The following CLNK variants were observed in gnomAD, a reference collection of about 807,000 sequenced individuals.
CLNK encodes cytokine-dependent hematopoietic cell linker.
A neutral mutation model predicts 68.6 loss-of-function variants in CLNK; 74 were observed. The ratio of observed to expected loss-of-function variants is 1.08; its 90% CI spans 0.89 to 1.31. The LOEUF is 1.31. Ranked by LOEUF, CLNK falls within the 50% of genes most tolerant of loss-of-function variation. The pLI, the probability that CLNK is intolerant of heterozygous loss-of-function variation, is 0.00. For synonymous variants in CLNK, 198 were observed against 172.2 expected, an observed-to-expected ratio of 1.15 and a Z score of -1.17; for missense variants, 553 against 515.3, an observed-to-expected ratio of 1.07 and a Z score of -0.71.
the CLNK span, among the ~76,000 whole-genome samples, chr4:10,701,847 TAAG>T: frequency 6.6e-6 from 1 of 152,134 alleles, no homozygotes; most frequent in African/African-American, 2.4e-5. Context: ...TTCATACTCT[TAAG>T]AGGAATCCCA....
At chr4:10,701,132 G>A in the CLNK span, among the ~76,000 whole-genome samples, 2 of 152,088 alleles carry the variant, frequency 1.3e-5, no homozygotes. Flanking sequence ...AACCTTCCTA[G>A]CCATGAATGA....
chr4:10,580,083 A>G (rs1459896769), intron 4 of CLNK, among the ~76,000 whole-genome samples: 1 of 151,418 alleles, frequency 6.6e-6, no homozygotes, highest in South Asian at 2.1e-4. Flanking sequence ...ACTGCTTAAA[A>G]CCACCCCACA....
At chr4:10,633,615 C>G (rs1286997451) in intron 2 of CLNK, among the ~76,000 whole-genome samples, 1 of 152,196 alleles carries the variant, frequency 6.6e-6, no homozygotes. Context: ...TCGTAGGTGT[C>G]TATCTGCAAG....
intron 2 of CLNK, among the ~76,000 whole-genome samples, chr4:10,621,272 A>G (rs1314534240): frequency 1.3e-5 from 2 of 152,158 alleles, no homozygotes; most frequent in Admixed American, 6.5e-5. Flanking sequence ...TGGTAACAGG[A>G]CACCTCAGAC....
chr4:10,574,614 C>T (rs913044085), intron 4 of CLNK, among the ~76,000 whole-genome samples: 1 of 152,134 alleles, frequency 6.6e-6, no homozygotes, highest in Non-Finnish European at 1.5e-5. Flanking sequence ...CAGACCCTCA[C>T]GCCACTCCCT....
chr4:10,496,295 T>C (rs374518222), intron 18 of CLNK, among the ~76,000 whole-genome samples: 15 of 152,354 alleles, frequency 9.8e-5, no homozygotes, highest in African/African-American at 2.4e-4. Flanking sequence ...CTTTCTTTAA[T>C]TGAACCGTGG....
rs112783824 is a variant in CLNK at position 10,542,481 on chromosome 4, C to T, written c.446-201G>A. Reference sequence around the variant, plus strand: ...GTCTTATTAAATCCTCACCCTTGTTCGGTTAATGAAGAAACTGACACACGG... The same window carrying T: ...GTCTTATTAAATCCTCACCCTTGTTTGGTTAATGAAGAAACTGACACACGG... On this transcript the variant is annotated intron_variant, in intron 8 of 18. Transcript: ENST00000226951. 7.5e-3 allele frequency among the ~76,000 whole-genome samples: 1,145 copies of T among 152,124 alleles called. 4 individuals carry two copies. Among genetic ancestry groups the T allele is most frequent in the Non-Finnish European group, 0.012 (790 of 68,012 alleles).
intron 16 of CLNK, among the ~76,000 whole-genome samples, chr4:10,511,426 C>A (rs1329079093): frequency 1.3e-5 from 2 of 152,222 alleles, no homozygotes; most frequent in Non-Finnish European, 2.9e-5. Context: ...TAAGTACATT[C>A]ACATTGCTTT....
chr4:10,555,880 G>C (rs1223510102), intron 8 of CLNK, among the ~76,000 whole-genome samples: 1 of 152,128 alleles, frequency 6.6e-6, no homozygotes, highest in Non-Finnish European at 1.5e-5. Context: ...CCCCCTTCCA[G>C]CCTTGTTCTA....
At chr4:10,717,256 A>T in the CLNK span, among the ~76,000 whole-genome samples, 1 of 152,292 alleles carries the variant, frequency 6.6e-6, no homozygotes, top group East Asian at 1.9e-4. Flanking sequence ...TTGAACAGTG[A>T]TGTGTTTCTC....
rs542018275 is a variant in CLNK at position 10,587,213 on chromosome 4, G to A, written c.84-2258C>T. Among the ~76,000 whole-genome samples, 259 of 152,146 alleles carry A rather than the reference G, an allele frequency of 1.7e-3. 1 individual carries two copies. Among genetic ancestry groups the A allele is most frequent in the African/African-American group, 5.9e-3 (246 of 41,526 alleles). ...ACTCCTGACCTCAGGTGATCCACCC[G>A]CCTCAGCCTCCCAAAGTGCTGGGAT... is the stretch of plus-strand genomic sequence containing the variant. On this transcript the variant is annotated intron_variant, in intron 3 of 18. Coordinates refer to ENST00000226951, the MANE Select transcript of CLNK (RefSeq NM_052964.4).
At chr4:10,590,640 C>T (rs1197280185) in intron 3 of CLNK, among the ~76,000 whole-genome samples, 2 of 152,212 alleles carry the variant, frequency 1.3e-5, no homozygotes, top group African/African-American at 2.4e-5. Context: ...ATTTTAAGTT[C>T]ACCCCCTGAC....
chr4:10,586,104 G>A (rs1182894414), intron 3 of CLNK, among the ~76,000 whole-genome samples: 3 of 152,086 alleles, frequency 2.0e-5, no homozygotes, highest in Non-Finnish European at 4.4e-5. Flanking sequence ...TGCTCCGACA[G>A]GAGACAAAGC....
chr4:10,551,628 A>G (rs986550656), intron 8 of CLNK, among the ~76,000 whole-genome samples: 1 of 152,258 alleles, frequency 6.6e-6, no homozygotes, highest in Admixed American at 6.5e-5. Context: ...ACAATCAGAA[A>G]TAACTATGAA....
the CLNK span, among the ~76,000 whole-genome samples, chr4:10,720,543 T>A: frequency 6.6e-6 from 1 of 151,734 alleles, no homozygotes; most frequent in Non-Finnish European, 1.5e-5. Context: ...GAGTTATCCC[T>A]ACATACCTAT....
At chr4:10,537,461 G>C (rs1278514128) in intron 11 of CLNK, among the ~76,000 whole-genome samples, 1 of 152,092 alleles carries the variant, frequency 6.6e-6, no homozygotes, top group East Asian at 1.9e-4. Context: ...CTGGGCAATA[G>C]AGCGAGATTC....
At chr4:10,680,033 T>C (rs954095434) in intron 1 of CLNK, among the ~76,000 whole-genome samples, 6 of 152,066 alleles carry the variant, frequency 3.9e-5, no homozygotes, top group Non-Finnish European at 5.9e-5. Context: ...ACCCAAAGGA[T>C]TATAAATCAT....
chr4:10,643,608 A>G (rs1366775422), intron 2 of CLNK, among the ~76,000 whole-genome samples: 2 of 152,264 alleles, frequency 1.3e-5, no homozygotes, highest in Admixed American at 1.3e-4. Context: ...GGATTGGTAC[A>G]GGGTGGATGA....
intron 2 of CLNK, among the ~76,000 whole-genome samples, chr4:10,616,981 T>G (rs1722261903): frequency 6.6e-6 from 1 of 151,956 alleles, no homozygotes; most frequent in Non-Finnish European, 1.5e-5. Flanking sequence ...ACACCTAGGA[T>G]GAAACTCTGG....
Sources: allele counts gnomAD v4.1 joint callset (sites outside exome capture counted in the v4.1 genomes callset), GRCh38; gene constraint gnomAD v4.1.1; transcripts MANE v1.5; gene names NCBI Gene and HGNC (gene_info 2026-07-23, HGNC 2026-07-21).